The following ITCH variants were observed in gnomAD, a reference collection of about 807,000 sequenced individuals.
ITCH encodes the protein itchy E3 ubiquitin protein ligase.
ITCH carries 28 observed loss-of-function variants against 126.8 expected under a neutral mutation model. The ratio of observed to expected loss-of-function variants is 0.22; its 90% CI spans 0.16 to 0.30. The LOEUF is 0.30. Among genes scored for constraint, ITCH ranks in the 10% least tolerant of loss-of-function variants. The probability of loss-of-function intolerance (pLI) is 1.00; values close to 1 mark genes in which losing one functional copy is unlikely to be tolerated. For synonymous variants in ITCH, 342 were observed against 340.0 expected (o/e 1.01, Z -0.06); for missense variants, 631 against 1,032.4 (o/e 0.61, Z 5.33).
intron 24 of ITCH, among the ~76,000 whole-genome samples, chr20:34,506,059 A>G (rs542930745): frequency 4.6e-5 from 7 of 151,814 alleles, no homozygotes; most frequent in African/African-American, 1.2e-4. Flanking sequence ...ACCATCACCT[A>G]TCTCCAAAAA....
At chr20:34,470,418 G>T (rs956099247) in intron 15 of ITCH, among the ~76,000 whole-genome samples, 5 of 116,516 alleles carry the variant, frequency 4.3e-5, no homozygotes, top group Non-Finnish European at 7.6e-5. Context: ...CCTTACCTCT[G>T]TAAATATATA....
At chr20:34,464,506 A>G (rs1986858983) in intron 14 of ITCH, among the ~76,000 whole-genome samples, 1 of 151,600 alleles carries the variant, frequency 6.6e-6, no homozygotes, top group Non-Finnish European at 1.5e-5. Flanking sequence ...TTGTATTTTT[A>G]GTAGAAGACA....
intron 3 of ITCH, among the ~76,000 whole-genome samples, chr20:34,407,947 ATGTT>A (rs1568905188): frequency 6.6e-6 from 1 of 152,216 alleles, no homozygotes; most frequent in East Asian, 1.9e-4. Flanking sequence ...TTTGTTGACC[ATGTT>A]TGTCAATGCA....
intron 22 of ITCH, 23 bp downstream of exon 22, chr20:34,489,949 A>C (rs1447027901): frequency 1.3e-6 from 2 of 1,552,898 alleles, no homozygotes; most frequent in Non-Finnish European, 1.8e-6. Context: ...ATTTATTTCT[A>C]TTAGTTGACA....
chr20:34,465,531 C>T (rs1450094347), intron 14 of ITCH, among the ~76,000 whole-genome samples: 3 of 152,072 alleles, frequency 2.0e-5, no homozygotes, highest in Non-Finnish European at 4.4e-5. Context: ...GTCATCTTAA[C>T]AATATTAAGT....
chr20:34,474,898 A>T (rs1364374533), intron 16 of ITCH, among the ~76,000 whole-genome samples: 1 of 150,904 alleles, frequency 6.6e-6, no homozygotes, highest in Non-Finnish European at 1.5e-5. Context: ...CACTTCTCAG[A>T]CGGGGCGGTT....
In ITCH at chr20:34,507,804, A is replaced by G; in HGVS notation, c.*10A>G. On this transcript the variant is annotated 3_prime_UTR_variant, in exon 25 of 25. Coordinates refer to ENST00000374864, the MANE Select transcript of ITCH (RefSeq NM_031483.7). ...ATTTGGACAAGAGTAACTTCTGAGA[A>G]CTTGCACCATGAATGGGCAAGAACT... 6.3e-7 allele frequency: 1 copy of G among 1,598,446 alleles called. No individual in the cohort carries two copies. Among genetic ancestry groups the G allele is most frequent in the South Asian group, 1.1e-5 (1 of 90,740 alleles).
chr20:34,504,092 G>T (rs758269369), intron 23 of ITCH, among the ~76,000 whole-genome samples: 7 of 151,922 alleles, frequency 4.6e-5, no homozygotes, highest in Non-Finnish European at 1.0e-4. Context: ...TATTGGCCAG[G>T]CTGATCTTGA....
intron 14 of ITCH, among the ~76,000 whole-genome samples, chr20:34,467,422 A>G (rs1987171836): frequency 6.6e-6 from 1 of 151,602 alleles, no homozygotes; most frequent in African/African-American, 2.4e-5. Flanking sequence ...CCAGTTACTT[A>G]GGAGGGTGAG....
Position 34,417,251 on chromosome 20 carries a change from C to G in ITCH, c.475+3372C>G, listed in dbSNP as rs576631668. ...AGCTGGGTTTACAGGTATGCACCACCACGCCTGGCTAATTTTGTATTTTTT... is the reference window on the plus strand; with the variant it reads ...AGCTGGGTTTACAGGTATGCACCACGACGCCTGGCTAATTTTGTATTTTTT... On this transcript the variant is annotated intron_variant, in intron 6 of 24. Transcript: ENST00000374864. The G allele has an allele frequency of 3.4e-4, 199 of 583,592 alleles. 4 individuals carry two copies. Among genetic ancestry groups the G allele is most frequent in the South Asian group, 2.9e-3 (160 of 54,914 alleles). 36.2% of individuals were successfully genotyped at this position (583,592 alleles called of 1,614,324 possible). A position where few individuals can be genotyped will look rare whatever the true frequency, so the allele number is the denominator to read the frequency against.
intron 12 of ITCH, 92 bp from the exon 13 acceptor site, chr20:34,457,298 T>G (rs995145722): frequency 7.1e-6 from 6 of 846,470 alleles, no homozygotes; most frequent in Non-Finnish European, 1.2e-5. Context: ...AAATGAGAAA[T>G]GGGCAAATTC....
intron 3 of ITCH, among the ~76,000 whole-genome samples, chr20:34,406,259 G>GCCT (rs1443535405): frequency 2.0e-5 from 3 of 151,900 alleles, no homozygotes; most frequent in Non-Finnish European, 4.4e-5. Flanking sequence ...AAACTCCTGG[G>GCCT]CCTCAAGTGA....
chr20:34,459,859 C>T (rs1248291867), intron 13 of ITCH, among the ~76,000 whole-genome samples: 1 of 152,138 alleles, frequency 6.6e-6, no homozygotes, highest in Non-Finnish European at 1.5e-5. Flanking sequence ...TAAATTTATT[C>T]AGTTTCCATA....
chr20:34,425,192 G>A (rs1319025785), intron 7 of ITCH, among the ~76,000 whole-genome samples: 1 of 152,340 alleles, frequency 6.6e-6, no homozygotes, highest in Non-Finnish European at 1.5e-5. Flanking sequence ...ATTTAGGTCT[G>A]TGCAGAATGT....
At chr20:34,507,263 G>GTTTTTTT (rs776161631) in intron 24 of ITCH, among the ~76,000 whole-genome samples, 28 of 39,138 alleles carry the variant, frequency 7.2e-4, no homozygotes, top group Middle Eastern at 0.024. Context: ...GTTTTCTTCT[G>GTTTTTTT]TTTTTTTTTT....
intron 7 of ITCH, among the ~76,000 whole-genome samples, chr20:34,435,426 C>G (rs773445451): frequency 1.3e-5 from 2 of 152,174 alleles, no homozygotes; most frequent in African/African-American, 2.4e-5. Flanking sequence ...ACCTTGGCCT[C>G]CTTAAGTGCT....
At chr20:34,405,225 C>T (rs2146129012) in intron 3 of ITCH, among the ~76,000 whole-genome samples, 1 of 151,610 alleles carries the variant, frequency 6.6e-6, no homozygotes, top group East Asian at 1.9e-4. Flanking sequence ...TTGAATCCAG[C>T]TGGGCACAGT....
At chr20:34,468,593 C>T (rs1461079655) in intron 14 of ITCH, among the ~76,000 whole-genome samples, 5 of 151,676 alleles carry the variant, frequency 3.3e-5, no homozygotes, top group Admixed American at 2.6e-4. Flanking sequence ...GAGTTTGAGA[C>T]CAGCCTGGCC....
chr20:34,475,153 C>T (rs570723957), intron 16 of ITCH, among the ~76,000 whole-genome samples: 164 of 150,956 alleles, frequency 1.1e-3, no homozygotes, highest in South Asian at 7.9e-3. Context: ...CGGGCAGAGA[C>T]GCTCCTCACT....
Sources: allele counts gnomAD v4.1 joint callset (sites outside exome capture counted in the v4.1 genomes callset), GRCh38; gene constraint gnomAD v4.1.1; transcripts MANE v1.5; gene names NCBI Gene and HGNC (gene_info 2026-07-23, HGNC 2026-07-21).